VGLL4: variants seen among roughly 807,000 people sequenced by gnomAD.
VGLL4 encodes the protein transcription cofactor vestigial-like protein 4.
In VGLL4, 7 loss-of-function variants were observed where a neutral mutation model predicts 21.0. The observed-to-expected ratio is 0.33, with a 90% CI of 0.19 to 0.63. The LOEUF (loss-of-function observed/expected upper bound fraction) is 0.63, where lower values mean the gene tolerates loss of function less well. Ranked by LOEUF, VGLL4 falls within the 20% of genes least tolerant of loss-of-function variation. The pLI, the probability that VGLL4 is intolerant of heterozygous loss-of-function variation, is 0.78. For missense variants in VGLL4, 394 were observed against 425.7 expected, an observed-to-expected ratio of 0.93 and a Z score of 0.66; for synonymous variants, 222 against 173.2, an observed-to-expected ratio of 1.28 and a Z score of -2.21.
chr3:11,639,035 A>G (rs1464557568), intron 1 of VGLL4, among the ~76,000 whole-genome samples: 1 of 152,242 alleles, frequency 6.6e-6, no homozygotes, highest in African/African-American at 2.4e-5. Flanking sequence ...TATGCAATGT[A>G]TTCCTACTTT....
chr3:11,683,553 G>A (rs1008770437), intron 2 of VGLL4, among the ~76,000 whole-genome samples: 1 of 152,206 alleles, frequency 6.6e-6, no homozygotes, highest in African/African-American at 2.4e-5. Flanking sequence ...CAATCGATGA[G>A]TGGATAAAGA....
intron 1 of VGLL4, among the ~76,000 whole-genome samples, chr3:11,716,805 C>T (rs1200035622): frequency 1.3e-5 from 2 of 151,116 alleles, no homozygotes; most frequent in Non-Finnish European, 2.9e-5. Context: ...TTTTTTTTTG[C>T]GGGGGGGTGG....
chr3:11,681,826 A>T (rs1396471117), intron 2 of VGLL4, among the ~76,000 whole-genome samples: 1 of 152,254 alleles, frequency 6.6e-6, no homozygotes, highest in Non-Finnish European at 1.5e-5. Context: ...AGGGCGTTTC[A>T]GGCAGGGAGC....
At chr3:11,671,898 T>C (rs897693903) in intron 2 of VGLL4, among the ~76,000 whole-genome samples, 1 of 152,160 alleles carries the variant, frequency 6.6e-6, no homozygotes, top group Non-Finnish European at 1.5e-5. Context: ...TATTCACCAC[T>C]CTATTATTAT....
At chr3:11,715,089 C>T (rs996836437) in intron 1 of VGLL4, among the ~76,000 whole-genome samples, 6 of 150,390 alleles carry the variant, frequency 4.0e-5, no homozygotes, top group Admixed American at 2.7e-4. Flanking sequence ...GAGCCGAGAT[C>T]GCGCCGCTGC....
intron 1 of VGLL4, among the ~76,000 whole-genome samples, chr3:11,635,691 T>C (rs980669960): frequency 3.9e-5 from 6 of 152,182 alleles, no homozygotes; most frequent in Non-Finnish European, 8.8e-5. Flanking sequence ...AAGCCTCTAA[T>C]AGAAAAAAGC....
At chr3:11,607,249 T>C (rs1044119244) in intron 1 of VGLL4, 3 of 152,142 alleles carry the variant, frequency 2.0e-5, no homozygotes, top group Non-Finnish European at 4.4e-5. Context: ...TATGCAGCTA[T>C]AAAAAGGAGT....
chr3:11,688,007 A>G (rs2076476029), intron 2 of VGLL4, among the ~76,000 whole-genome samples: 1 of 152,130 alleles, frequency 6.6e-6, no homozygotes, highest in African/African-American at 2.4e-5. Flanking sequence ...ATAGGTGCCG[A>G]ATTTCATGAA....
chr3:11,643,932 A>G (rs1483204802), upstream of VGLL4: 2 of 996,196 alleles, frequency 2.0e-6, no homozygotes, highest in Non-Finnish European at 1.2e-6. Context: ...CATGACTCCT[A>G]TGCCGCCGCT....
At chr3:11,702,781 C>T (rs2076701978) in intron 2 of VGLL4, 2 of 379,056 alleles carry the variant, frequency 5.3e-6, no homozygotes, top group Non-Finnish European at 9.3e-6. Flanking sequence ...TAGTTAAGTG[C>T]CAGTTAAAAG....
chr3:11,614,178 T>C (rs2075115456), intron 1 of VGLL4, among the ~76,000 whole-genome samples: 1 of 152,232 alleles, frequency 6.6e-6, no homozygotes, highest in South Asian at 2.1e-4. Flanking sequence ...TCAGAAGCCC[T>C]CTCTGCCAAT....
rs2074697028 is a variant in VGLL4 at position 11,598,290 on chromosome 3, G to GTGCT, written c.272+3539_272+3542dup. On this transcript the variant is annotated intron_variant, in intron 2 of 4. Transcript: ENST00000430365. ...GATCCGCCCACCCTGGCCTCCCAAA[G>GTGCT]TGCTAGGATTACAGGCACGAGCCAC... Among the ~76,000 whole-genome samples, 3 of 132,242 alleles carry GTGCT rather than the reference G, an allele frequency of 2.3e-5. No homozygotes were observed. In the South Asian group the frequency reaches 7.1e-4, roughly 31 times the overall value. The allele number at this position is 132,242 out of a possible 152,430, so 86.8% of individuals were successfully genotyped here.
intron 2 of VGLL4, among the ~76,000 whole-genome samples, chr3:11,576,334 T>C (rs953112185): frequency 1.3e-5 from 2 of 152,248 alleles, no homozygotes; most frequent in South Asian, 4.1e-4. Context: ...TTAATAAAAT[T>C]GAAAAGAATT....
intron 2 of VGLL4, among the ~76,000 whole-genome samples, chr3:11,673,437 G>C (rs916569660): frequency 9.2e-5 from 14 of 151,864 alleles, no homozygotes; most frequent in Admixed American, 4.6e-4. Context: ...AAGGGGGAAA[G>C]GGGGGGAAGT....
intron 2 of VGLL4, among the ~76,000 whole-genome samples, chr3:11,598,586 C>T (rs1575434710): frequency 6.6e-6 from 1 of 152,122 alleles, no homozygotes; most frequent in South Asian, 2.1e-4. Context: ...AACTCCTGGG[C>T]TAAAGCTATC....
At chr3:11,629,371 A>G (rs1011699066) in intron 1 of VGLL4, among the ~76,000 whole-genome samples, 10 of 152,158 alleles carry the variant, frequency 6.6e-5, no homozygotes, top group Non-Finnish European at 1.5e-5. Context: ...TTGAAAAAAA[A>G]AAAAGGTTAA....
chr3:11,613,886 G>A (rs922988577), intron 1 of VGLL4, among the ~76,000 whole-genome samples: 3 of 152,132 alleles, frequency 2.0e-5, no homozygotes, highest in Admixed American at 6.5e-5. Flanking sequence ...ACAGGCCCCC[G>A]CCTCGAATAC....
rs115950226 is a variant in VGLL4 at position 11,568,725 on chromosome 3, C to T, written c.273-3706G>A. 3.4e-3 allele frequency: 5,311 copies of T among 1,542,254 alleles called. 180 individuals carry two copies. The African/African-American group carries it at 0.064, about 19-fold the overall frequency. ...CCCAGGCGTCATGTGCTCCCGGGGA[C>T]GGCAGAAAACCGCACGCATCCTGCC... On this transcript the variant is annotated intron_variant, in intron 2 of 4. Coordinates refer to ENST00000430365, the MANE Select transcript of VGLL4 (RefSeq NM_001128219.3). This position sits in a 1 kb window ranked among gnomAD's most constrained non-coding sequence, Gnocchi z 5.9.
At chr3:11,665,097 T>C (rs1304894303) in intron 2 of VGLL4, among the ~76,000 whole-genome samples, 1 of 91,788 alleles carries the variant, frequency 1.1e-5, no homozygotes, top group African/African-American at 3.3e-5. Context: ...ATTTGAATAT[T>C]TTTCTTTTTT....
Sources: gnomAD v4.1 joint callset for allele counts (sites outside exome capture counted in the v4.1 genomes callset) on GRCh38, gnomAD v4.1.1 for gene constraint, Gnocchi (gnomAD v3.1) non-coding constraint, MANE v1.5 for transcripts, NCBI Gene and HGNC (gene_info 2026-07-23, HGNC 2026-07-21) for gene names.